Variants in DOCK8 observed in about 807,000 individuals in gnomAD.
DOCK8 encodes the protein dedicator of cytokinesis protein 8.
Under a neutral mutation model 245.6 loss-of-function variants are expected in DOCK8, and 141 were observed. The ratio of observed to expected loss-of-function variants is 0.57; its 90% confidence interval spans 0.50 to 0.66. The LOEUF (loss-of-function observed/expected upper bound fraction) is 0.66, where lower values mean the gene tolerates loss of function less well. Ranked by LOEUF, DOCK8 falls within the 30% of genes least tolerant of loss-of-function variation. DOCK8 has a pLI of 0.00. For missense variants in DOCK8, 2,965 were observed against 2,603.4 expected, an observed-to-expected ratio of 1.14 and a Z score of -3.02; for synonymous variants, 1,168 against 970.2, an observed-to-expected ratio of 1.20 and a Z score of -3.79.
At chr9:384,247 G>T (rs1346719669) in intron 22 of DOCK8, among the ~76,000 whole-genome samples, 5 of 152,118 alleles carry the variant, frequency 3.3e-5, no homozygotes, top group African/African-American at 1.2e-4. Flanking sequence ...TTAAAAGATG[G>T]AGTATACGAT....
At chr9:230,679 T>G (rs1177772313) in intron 1 of DOCK8, among the ~76,000 whole-genome samples, 1 of 151,480 alleles carries the variant, frequency 6.6e-6, no homozygotes, top group Non-Finnish European at 1.5e-5. Flanking sequence ...TCATGTGTTT[T>G]TTGGCTGCAT....
chr9:363,526 A>G (rs1273325133), intron 14 of DOCK8, among the ~76,000 whole-genome samples: 2 of 152,364 alleles, frequency 1.3e-5, no homozygotes, highest in East Asian at 3.9e-4. Context: ...CGTTTCTTTA[A>G]AAACATGCAG....
rs779624931 is a variant in DOCK8, at chr9:428,427, T to G, written c.4404T>G (p.Ser1468=). The G allele has an allele frequency of 6.8e-6, 11 of 1,614,234 alleles. No homozygotes were observed. The Admixed American group carries it at 1.8e-4, about 27-fold the overall frequency. ...LGGVLRVLVN[S]LNCDQSTTYL... ...GTGTTCTGAGGGTGCTGGTGAATTC[T>G]CTGAACTGTGATCAGAGTACCACCT... Residue 1468 remains serine, a synonymous_variant, in exon 35 of 48, where the codon TCT becomes TCG. Coordinates refer to ENST00000432829, the MANE Select transcript of DOCK8 (RefSeq NM_203447.4).
At chr9:215,072 C>G in intron 1 of DOCK8, 43 bp downstream of exon 1, 2 of 1,544,668 alleles carry the variant, frequency 1.3e-6, no homozygotes, top group East Asian at 4.9e-5. Context: ...CCGGACAGCC[C>G]AGCGCTGGTG....
chr9:394,308 C>T (rs2054341243), intron 24 of DOCK8, among the ~76,000 whole-genome samples: 1 of 152,176 alleles, frequency 6.6e-6, no homozygotes, highest in South Asian at 2.1e-4. Context: ...ACTATCATCC[C>T]CCAGCCAGAA....
chr9:308,721 G>A (rs547643655), intron 5 of DOCK8, among the ~76,000 whole-genome samples: 3 of 152,204 alleles, frequency 2.0e-5, no homozygotes, highest in East Asian at 1.9e-4. Context: ...GCAGTGGCAC[G>A]ATCTTGGCTC....
chr9:387,744 G>C (rs1401151517), intron 23 of DOCK8, among the ~76,000 whole-genome samples: 1 of 152,180 alleles, frequency 6.6e-6, no homozygotes, highest in Non-Finnish European at 1.5e-5. Flanking sequence ...TAGTCCACTT[G>C]CTCTAAAATT....
intron 26 of DOCK8, among the ~76,000 whole-genome samples, chr9:400,907 AACAGCT>A (rs2054999690): frequency 6.8e-5 from 8 of 117,974 alleles, no homozygotes; most frequent in Non-Finnish European, 1.2e-4. Context: ...CCCCACTACC[AACAGCT>A]CCTTCACCAT....
intron 2 of DOCK8, among the ~76,000 whole-genome samples, chr9:272,470 C>T (rs1258236336): frequency 6.6e-6 from 1 of 152,142 alleles, no homozygotes; most frequent in Non-Finnish European, 1.5e-5. Flanking sequence ...GCAACCTCAA[C>T]CTCCCAGGAT....
At chr9:432,478 G>A (rs1251242859) in intron 37 of DOCK8, among the ~76,000 whole-genome samples, 154 bp downstream of exon 37, 1 of 152,126 alleles carries the variant, frequency 6.6e-6, no homozygotes, top group African/African-American at 2.4e-5. Context: ...AGCACTCTGA[G>A]AGGTTTTAAA....
At chr9:292,998 C>T (rs12337071) in intron 4 of DOCK8, among the ~76,000 whole-genome samples, 6,558 of 152,104 alleles carry the variant, frequency 0.043, 445 homozygotes, top group African/African-American at 0.15. Flanking sequence ...GCATCTTGTT[C>T]CCCTAAAAAA....
intron 1 of DOCK8, among the ~76,000 whole-genome samples, chr9:243,289 C>G (rs560205875): frequency 2.0e-5 from 3 of 152,276 alleles, no homozygotes; most frequent in African/African-American, 7.2e-5. Context: ...CGTCTAGCCC[C>G]TTAAAACCAG....
intron 1 of DOCK8, among the ~76,000 whole-genome samples, chr9:243,970 G>C (rs1248009831): frequency 1.3e-5 from 2 of 151,970 alleles, no homozygotes; most frequent in East Asian, 1.9e-4. Flanking sequence ...AGATCACGAG[G>C]TCAGGAGATC....
chr9:324,030 G>A (rs1169821915), intron 7 of DOCK8, among the ~76,000 whole-genome samples: 1 of 152,164 alleles, frequency 6.6e-6, no homozygotes, highest in Non-Finnish European at 1.5e-5. Flanking sequence ...CAACAACCAG[G>A]AAAATGGAAA....
chr9:449,672 CT>C (rs2057369263), intron 44 of DOCK8, 111 bp from the exon 45 acceptor site: 1 of 1,365,566 alleles, frequency 7.3e-7, no homozygotes. Context: ...CTCTGAAAGT[CT>C]TTCCCTAGCT....
chr9:280,068 A>T (rs1213465857), intron 2 of DOCK8, among the ~76,000 whole-genome samples: 1 of 152,210 alleles, frequency 6.6e-6, no homozygotes, highest in Non-Finnish European at 1.5e-5. Context: ...TCAATTTGAG[A>T]ACAAATTGAA....
chr9:421,285 C>A (rs1445465957), intron 32 of DOCK8, among the ~76,000 whole-genome samples: 1 of 152,180 alleles, frequency 6.6e-6, no homozygotes, highest in Non-Finnish European at 1.5e-5. Flanking sequence ...ATTGTAGGAA[C>A]CCTGAAAACA....
At chr9:441,763 G>C in intron 41 of DOCK8, 112 bp from the exon 42 acceptor site, 1 of 1,364,736 alleles carries the variant, frequency 7.3e-7, no homozygotes. Flanking sequence ...GTTTACATCA[G>C]CCATAGGAGT....
chr9:383,217 T>G (rs992101387), intron 22 of DOCK8, among the ~76,000 whole-genome samples: 3 of 151,590 alleles, frequency 2.0e-5, no homozygotes, highest in African/African-American at 7.3e-5. Context: ...CTGGCCAACA[T>G]GGTGAAACCC....
Sources: gnomAD v4.1 joint callset for allele counts (sites outside exome capture counted in the v4.1 genomes callset) on GRCh38, gnomAD v4.1.1 for gene constraint, MANE v1.5 for transcripts, NCBI Gene and HGNC (gene_info 2026-07-23, HGNC 2026-07-21) for gene names.